The following PER3 variants were observed in gnomAD, a reference collection of about 807,000 sequenced individuals.
PER3 encodes the protein period circadian regulator 3.
Under a neutral mutation model 127.2 loss-of-function variants are expected in PER3, and 107 were observed. The ratio of observed to expected loss-of-function variants is 0.84; its 90% CI spans 0.72 to 0.99. The LOEUF (loss-of-function observed/expected upper bound fraction) is 0.99, where lower values mean the gene tolerates loss of function less well. Among genes scored for constraint, PER3 ranks in the 50% least tolerant of loss-of-function variants. The pLI, the probability that PER3 is intolerant of heterozygous loss-of-function variation, is 0.00. For synonymous variants in PER3, 618 were observed against 585.8 expected (o/e 1.05, Z -0.79); for missense variants, 1,560 against 1,525.8 (o/e 1.02, Z -0.37).
rs1475651122 is a variant in PER3 at position 7,826,473 on chromosome 1, A to G, written c.1958-7A>G. On this transcript the variant is annotated splice_polypyrimidine_tract_variant and splice_region_variant and intron_variant, in intron 16 of 21. Coordinates refer to ENST00000377532, the MANE Select transcript of PER3 (RefSeq NM_001377275.1). This position sits in a 1 kb window ranked among gnomAD's most constrained non-coding sequence, Gnocchi z 4.2. ...ATTAAAATTAAATATGTCTTCTTCCACCTCAGCCAGGGATGCTACCCTCTT... is the reference window on the plus strand; with the variant it reads ...ATTAAAATTAAATATGTCTTCTTCCGCCTCAGCCAGGGATGCTACCCTCTT... 1.3e-6 allele frequency: 2 copies of G among 1,532,104 alleles called. No homozygotes were observed. Among genetic ancestry groups the G allele is most frequent in the Admixed American group, 3.3e-5 (2 of 59,800 alleles). The allele number at this position is 1,532,104 out of a possible 1,614,324, so 94.9% of individuals were successfully genotyped here.
Position 7,801,096 on chromosome 1 carries a change from T to TC in PER3, c.794-17_794-16insC. On this transcript the variant is annotated splice_polypyrimidine_tract_variant and intron_variant, in intron 7 of 21. Transcript: ENST00000377532. Reference sequence around the variant, plus strand: ...AGATATTTGCCTTTAAATGGGTCTTTGTTTTTTTTTCCTTAGCTCCTCGGA... The same window carrying TC: ...AGATATTTGCCTTTAAATGGGTCTTTCGTTTTTTTTTCCTTAGCTCCTCGGA... 1.3e-6 allele frequency: 2 copies of TC among 1,519,344 alleles called. No homozygotes were observed. The highest frequency in any genetic ancestry group is 1.8e-6 in the Non-Finnish European group (2 of 1,099,400). 94.1% of individuals were successfully genotyped at this position (1,519,344 alleles called of 1,614,324 possible).
intron 4 of PER3, chr1:7,787,644 TTA>T: frequency 3.2e-6 from 1 of 310,292 alleles, no homozygotes; most frequent in Non-Finnish European, 6.2e-6. Context: ...GCAGTGATGC[TTA>T]TGTAATGAGG....
intron 20 of PER3, among the ~76,000 whole-genome samples, chr1:7,836,300 C>T (rs2097358246): frequency 6.6e-6 from 1 of 152,172 alleles, no homozygotes; most frequent in Non-Finnish European, 1.5e-5. Context: ...GCCTCAGCCT[C>T]CCAAGTAGTT....
At chr1:7,840,183 T>C (rs891340023) in intron 21 of PER3, among the ~76,000 whole-genome samples, 20 of 152,274 alleles carry the variant, frequency 1.3e-4, no homozygotes, top group Admixed American at 3.9e-4. Flanking sequence ...GAATTTTTCA[T>C]TTCAGTTTTG....
In PER3 at chr1:7,810,101, G is replaced by C. The variant is rs2097212840; in HGVS notation, c.1371+80G>C. 3.0e-6 allele frequency: 4 copies of C among 1,353,918 alleles called. No homozygotes were observed. The Admixed American group carries it at 8.7e-5, about 29-fold the overall frequency. 83.9% of individuals were successfully genotyped at this position (1,353,918 alleles called of 1,614,324 possible). The stretch of plus-strand genomic sequence containing the variant: ...CGGTTCTGAATGTGGTGACATCTTA[G>C]TATATATTCCTGACTTGAAGACCTC... On this transcript the variant is annotated intron_variant, in intron 12 of 21. Transcript: ENST00000377532.
Position 7,829,863 on chromosome 1 carries a change from G to A in PER3, c.2916G>A (p.Glu972=). ...YQCVTGNNGS[E]SSPATTGALS... ...GTGTTACAGGCAACAATGGCAGTGA[G>A]AGCAGTCCTGCTACTACCGGTGCAC... Residue 972 remains glutamate, a synonymous_variant, in exon 19 of 22, where the codon GAG becomes GAA. Coordinates refer to ENST00000377532, the MANE Select transcript of PER3 (RefSeq NM_001377275.1). 2.5e-6 allele frequency: 4 copies of A among 1,614,138 alleles called. No homozygotes were observed. Among genetic ancestry groups the A allele is most frequent in the Admixed American group, 1.7e-5 (1 of 60,022 alleles).
chr1:7,820,165 G>T lies in PER3; in HGVS notation c.1709G>T (p.Cys570Phe), dbSNP rs765527787. Residue 570 changes from cysteine to phenylalanine, a missense_variant, in exon 15 of 22, where the codon TGT (cysteine) becomes TTT (phenylalanine). Physicochemically the swap from Cys to Phe is radical, Grantham distance 205. Coordinates refer to ENST00000377532, the MANE Select transcript of PER3 (RefSeq NM_001377275.1). ...IPALKRKCIS[C>F]TNTTSSSSEE... The stretch of plus-strand genomic sequence containing the variant: ...GCTTTGAAAAGAAAGTGTATCTCCT[G>T]TACAAATACAACTTCTTCCTCCTCA... The T allele has an allele frequency of 6.8e-6, 11 of 1,612,894 alleles. No individual in the cohort carries two copies. The highest frequency in any genetic ancestry group is 9.3e-6 in the Non-Finnish European group (11 of 1,178,874).
chr1:7,841,650 A>G lies in PER3; in HGVS notation c.3550-1022A>G, dbSNP rs554821829. On this transcript the variant is annotated intron_variant, in intron 21 of 21. Transcript: ENST00000377532. ...CCAGTTGTTGTCTAGGTGAGGAGAC[A>G]GAGTCCTAGTCTTCCTACTCTGCCA... Among the ~76,000 whole-genome samples the G allele has an allele frequency of 1.1e-4, 17 of 152,336 alleles. No homozygotes were observed. The South Asian group carries it at 2.9e-3, about 26-fold the overall frequency.
chr1:7,789,105 A>G (rs2097106205), intron 5 of PER3, among the ~76,000 whole-genome samples: 1 of 149,148 alleles, frequency 6.7e-6, no homozygotes, highest in Non-Finnish European at 1.5e-5. Flanking sequence ...TCATTATTTT[A>G]TATTCTTTGT....
At chr1:7,836,506 C>T (rs2097359353) in intron 20 of PER3, among the ~76,000 whole-genome samples, 1 of 152,094 alleles carries the variant, frequency 6.6e-6, no homozygotes, top group Admixed American at 6.6e-5. Context: ...TTTTTAAAGA[C>T]AAAATAATTA....
chr1:7,828,922 ATG>A (rs1394879758), intron 18 of PER3, among the ~76,000 whole-genome samples: 3 of 152,116 alleles, frequency 2.0e-5, no homozygotes, highest in Non-Finnish European at 4.4e-5. Context: ...AATGTTCGAT[ATG>A]TGTTTGCTGA....
chr1:7,810,668 G>A, intron 13 of PER3, 80 bp downstream of exon 13: 2 of 1,370,098 alleles, frequency 1.5e-6, no homozygotes, highest in Non-Finnish European at 9.9e-7. Flanking sequence ...TGATTCGTGA[G>A]CATAAAGTCA....
At chr1:7,803,876 A>G in intron 10 of PER3, 28 bp downstream of exon 10, 2 of 1,576,360 alleles carry the variant, frequency 1.3e-6, no homozygotes, top group Non-Finnish European at 1.7e-6. Flanking sequence ...CATATTTTCT[A>G]AAACATCTCT....
chr1:7,814,850 TTTA>T (rs781144987), intron 13 of PER3, among the ~76,000 whole-genome samples: 3 of 152,222 alleles, frequency 2.0e-5, no homozygotes, highest in South Asian at 4.1e-4. Flanking sequence ...GAAACAGTAT[TTTA>T]TTATTTGGAG....
Position 7,826,613 on chromosome 1 carries a change from T to C in PER3, c.2091T>C (p.Asn697=), listed in dbSNP as rs764703051. Residue 697 remains asparagine (N), a synonymous_variant, in exon 17 of 22, where the codon AAT becomes AAC. Transcript: ENST00000377532. This position sits in a 1 kb window ranked among gnomAD's most constrained non-coding sequence, Gnocchi z 4.2. ...LSAHTQKEEQ[N]YVDKFREKIL... ...CGCACACCCAGAAGGAAGAGCAGAA[T>C]TATGTTGATAAATTCCGAGAAAAGA... 19 of 1,613,466 alleles carry C rather than the reference T, an allele frequency of 1.2e-5. No individual in the cohort carries two copies. In the Admixed American group the frequency reaches 2.7e-4, roughly 23 times the overall value.
chr1:7,801,269 C>T (rs2097169670), intron 8 of PER3, 78 bp downstream of exon 8: 1 of 788,834 alleles, frequency 1.3e-6, no homozygotes, highest in Non-Finnish European at 2.1e-6. Flanking sequence ...ATTATGTTTG[C>T]ATGTTTATAC....
At chr1:7,794,878 TTC>T (rs1277684978) in intron 6 of PER3, among the ~76,000 whole-genome samples, 13 of 150,622 alleles carry the variant, frequency 8.6e-5, no homozygotes, top group Non-Finnish European at 1.8e-4. Flanking sequence ...TAATTATATA[TTC>T]TGTTATGTTA....
At chr1:7,807,028 C>G (rs1477323284) in intron 10 of PER3, among the ~76,000 whole-genome samples, 1 of 151,890 alleles carries the variant, frequency 6.6e-6, no homozygotes, top group East Asian at 1.9e-4. Flanking sequence ...ATTCCCAGAT[C>G]AATCAACCAT....
chr1:7,835,668 G>A lies in PER3; in HGVS notation c.3215-94G>A, dbSNP rs1257115759. 1.1e-5 allele frequency: 9 copies of A among 831,154 alleles called. No individual in the cohort carries two copies. The East Asian group carries it at 2.3e-4, about 21-fold the overall frequency. The allele number at this position is 831,154 out of a possible 1,614,324, so 51.5% of individuals were successfully genotyped here. On this transcript the variant is annotated intron_variant, in intron 19 of 21. Transcript: ENST00000377532. ...TGATGGTTGGGCTGGCTGAGGAGGA[G>A]GACTGTCCGAGGCAAGAGTCTGAAG...
Sources: allele counts gnomAD v4.1 joint callset (sites outside exome capture counted in the v4.1 genomes callset), GRCh38; gene constraint gnomAD v4.1.1; non-coding constraint Gnocchi (gnomAD v3.1); transcripts MANE v1.5; gene names NCBI Gene and HGNC (gene_info 2026-07-23, HGNC 2026-07-21).